Variants in HEPH observed in about 807,000 individuals in gnomAD.
HEPH encodes hephaestin.
Under a neutral mutation model 80.8 loss-of-function variants are expected in HEPH, and 69 were observed. The ratio of observed to expected loss-of-function variants is 0.85; its 90% confidence interval spans 0.70 to 1.04. HEPH has a LOEUF of 1.04. Among genes scored for constraint, HEPH ranks in the 50% least tolerant of loss-of-function variants. HEPH has a pLI of 0.00. For synonymous variants in HEPH, 431 were observed against 322.8 expected, an observed-to-expected ratio of 1.34 and a Z score of -3.60; for missense variants, 1,115 against 891.3, an observed-to-expected ratio of 1.25 and a Z score of -3.20.
chrX:66,261,105 C>A (rs1602573155), intron 19 of HEPH, among the ~76,000 whole-genome samples: 1 of 111,465 alleles, frequency 9.0e-6, no homozygotes, highest in East Asian at 2.8e-4. Flanking sequence ...CAGGGTTTTG[C>A]CTAGGCTGGT....
chrX:66,259,867 C>G (rs552769674), intron 18 of HEPH, among the ~76,000 whole-genome samples: 1 of 109,399 alleles, frequency 9.1e-6, no homozygotes, highest in African/African-American at 3.3e-5. Flanking sequence ...TGCTACCATG[C>G]CCGGCAATTT....
intron 15 of HEPH, among the ~76,000 whole-genome samples, chrX:66,208,662 A>G (rs1252431885): frequency 1.1e-5 from 1 of 87,302 alleles, no homozygotes; most frequent in Non-Finnish European, 2.2e-5. Context: ...ATATATATAT[A>G]TATATATATA....
chrX:66,179,744 T>TA (rs1240209670), intron 4 of HEPH, among the ~76,000 whole-genome samples: 1 of 111,406 alleles, frequency 9.0e-6, no homozygotes, highest in Non-Finnish European at 1.9e-5. Context: ...AGTAATTGTT[T>TA]TATAAATTTG....
chrX:66,248,750 C>T (rs182259157), intron 15 of HEPH, among the ~76,000 whole-genome samples: 1 of 111,858 alleles, frequency 8.9e-6, no homozygotes, highest in African/African-American at 3.2e-5. Flanking sequence ...ATGAAAAAGG[C>T]ATTACATTTG....
chrX:66,200,316 T>C (rs2088362986), intron 11 of HEPH: 2 of 391,693 alleles, frequency 5.1e-6, no homozygotes, highest in South Asian at 8.6e-5. Flanking sequence ...ATGTGGATCA[T>C]GGTGGAGGTG....
rs1052522725 is a variant in HEPH at position 66,167,341 on chromosome X, C to T, written c.-14+2871C>T. On this transcript the variant is annotated intron_variant, in intron 1 of 20. Transcript: ENST00000343002. ...ACTCCCCAGATTCTATTGTTTAAGCCATTTGGATCATAAGTCACCACTGTT... is the reference window on the plus strand; with the variant it reads ...ACTCCCCAGATTCTATTGTTTAAGCTATTTGGATCATAAGTCACCACTGTT... Among the ~76,000 whole-genome samples, 3 of 112,221 alleles carry T rather than the reference C, an allele frequency of 2.7e-5. No homozygotes were observed. In the East Asian group the frequency reaches 8.4e-4, roughly 31 times the overall value.
chrX:66,263,710 C>A lies in HEPH; in HGVS notation c.3244+22C>A, dbSNP rs201896907. 1,842 of 1,194,553 alleles carry A rather than the reference C, an allele frequency of 1.5e-3. 4 individuals carry two copies. Among genetic ancestry groups the A allele is most frequent in the Middle Eastern group, 8.6e-3 (37 of 4,297 alleles). ...AAAGGTACGTAAAATGATGCACAGA[C>A]TGGGTACTTATACATAGTGTGTCTG... On this transcript the variant is annotated intron_variant, in intron 20 of 20. Transcript: ENST00000343002.
chrX:66,233,005 A>G (rs969881332), intron 15 of HEPH, among the ~76,000 whole-genome samples: 1 of 111,139 alleles, frequency 9.0e-6, no homozygotes, highest in Non-Finnish European at 1.9e-5. Flanking sequence ...GTACCTTAAG[A>G]GCTAACCAAA....
chrX:66,264,945 T>A (rs924908619), intron 20 of HEPH, among the ~76,000 whole-genome samples: 1 of 108,796 alleles, frequency 9.2e-6, no homozygotes, highest in Non-Finnish European at 1.9e-5. Flanking sequence ...CATATATACA[T>A]TCCTCATAAG....
intron 8 of HEPH, among the ~76,000 whole-genome samples, chrX:66,193,967 G>A (rs1344306571): frequency 9.0e-6 from 1 of 111,573 alleles, no homozygotes; most frequent in Non-Finnish European, 1.9e-5. Flanking sequence ...TCCTTCTCTA[G>A]AAGTATTCCT....
intron 15 of HEPH, among the ~76,000 whole-genome samples, chrX:66,246,324 T>G (rs561809423): frequency 8.9e-6 from 1 of 111,796 alleles, no homozygotes; most frequent in Non-Finnish European, 1.9e-5. Context: ...GGGTGCTTTT[T>G]AAGACAGCAG....
chrX:66,165,653 G>C (rs1164136484), intron 1 of HEPH, among the ~76,000 whole-genome samples: 1 of 111,305 alleles, frequency 9.0e-6, no homozygotes, highest in Non-Finnish European at 1.9e-5. Context: ...AGGAAGGTAA[G>C]GTAAAGGTAA....
chrX:66,263,115 T>C (rs1029838498), intron 19 of HEPH, among the ~76,000 whole-genome samples: 21 of 111,559 alleles, frequency 1.9e-4, no homozygotes, highest in African/African-American at 6.8e-4. Context: ...GAAATGATTG[T>C]AGTTCTAGCC....
chrX:66,256,750 G>T (rs1360602941), intron 17 of HEPH, among the ~76,000 whole-genome samples: 2 of 111,889 alleles, frequency 1.8e-5, no homozygotes, highest in African/African-American at 3.2e-5. Flanking sequence ...TTTCTCAATG[G>T]ATTCCAATAC....
intron 15 of HEPH, among the ~76,000 whole-genome samples, chrX:66,223,047 C>G (rs971364584): frequency 9.1e-6 from 1 of 110,409 alleles, no homozygotes; most frequent in Non-Finnish European, 1.9e-5. Context: ...TTCTGCTGTA[C>G]GAACAGCAGT....
Position 66,189,633 on chromosome X carries a change from T to C in HEPH, c.809-51T>C, listed in dbSNP as rs369167900. 112 of 1,169,991 alleles carry C rather than the reference T, an allele frequency of 9.6e-5. 1 individual carries two copies. In the South Asian group the frequency reaches 1.8e-3, roughly 19 times the overall value. ...TTGTCAAATGGTAAGGCTTCTTCCA[T>C]TTGGCTGTCCTTTCCTAATCCTGAT... On this transcript the variant is annotated intron_variant, in intron 5 of 20. Transcript: ENST00000343002.
chrX:66,210,220 T>C, intron 15 of HEPH, among the ~76,000 whole-genome samples: 1 of 112,027 alleles, frequency 8.9e-6, no homozygotes, highest in East Asian at 2.8e-4. Flanking sequence ...CTTCAGCTGC[T>C]CCAAAGAGTT....
chrX:66,256,992 A>G (rs898486779), intron 17 of HEPH, among the ~76,000 whole-genome samples: 3 of 112,362 alleles, frequency 2.7e-5, no homozygotes, highest in African/African-American at 9.7e-5. Flanking sequence ...GCATAAGTGC[A>G]GTAGAATGAA....
intron 15 of HEPH, among the ~76,000 whole-genome samples, chrX:66,219,158 C>G (rs1254113847): frequency 8.9e-6 from 1 of 111,828 alleles, no homozygotes; most frequent in Admixed American, 9.4e-5. Flanking sequence ...AGCAATGAAG[C>G]TTTTTATCAT....
Sources: gnomAD v4.1 joint callset for allele counts (sites outside exome capture counted in the v4.1 genomes callset) on GRCh38, gnomAD v4.1.1 for gene constraint, MANE v1.5 for transcripts, NCBI Gene and HGNC (gene_info 2026-07-23, HGNC 2026-07-21) for gene names.